The following MEI4 variants were observed in gnomAD, a reference collection of about 807,000 sequenced individuals.
MEI4 encodes meiotic double-stranded break formation protein 4.
MEI4 carries 27 observed loss-of-function variants against 31.4 expected under a neutral mutation model. The ratio of observed to expected loss-of-function variants is 0.86; its 90% confidence interval spans 0.63 to 1.19. The LOEUF is 1.19. Among genes scored for constraint, MEI4 ranks in the 50% most tolerant of loss-of-function variants. The probability of loss-of-function intolerance (pLI) is 0.00; values close to 1 mark genes in which losing one functional copy is unlikely to be tolerated. For missense variants in MEI4, 329 were observed against 398.9 expected (o/e 0.82, Z 1.49); for synonymous variants, 122 against 145.4 (o/e 0.84, Z 1.16).
intron 2 of MEI4, among the ~76,000 whole-genome samples, chr6:77,727,346 G>C (rs1312547671): frequency 6.6e-6 from 1 of 152,206 alleles, no homozygotes; most frequent in Non-Finnish European, 1.5e-5. Flanking sequence ...CAGAAGTGAA[G>C]ATTAAAGGGG....
At chr6:77,882,980 T>C (rs1307049946) in intron 4 of MEI4, among the ~76,000 whole-genome samples, 6 of 152,224 alleles carry the variant, frequency 3.9e-5, no homozygotes, top group Admixed American at 3.9e-4. Flanking sequence ...TGTTAGCTAA[T>C]GATAGTGAAC....
At chr6:77,688,779 C>G (rs1582024706) in intron 1 of MEI4, among the ~76,000 whole-genome samples, 1 of 152,174 alleles carries the variant, frequency 6.6e-6, no homozygotes, top group African/African-American at 2.4e-5. Context: ...TATGTATTAG[C>G]AAACTTACTT....
rs138252073 is a variant in MEI4 at position 77,655,022 on chromosome 6, A to G, written c.-15+1930A>G. On this transcript the variant is annotated intron_variant, in intron 1 of 4. Coordinates refer to ENST00000684080, the MANE Select transcript of MEI4 (RefSeq NM_001322247.2). Reference sequence around the variant, plus strand: ...GGTGGTTTGCTGCACCCATCAACCCATCATCTACATTAGGTATTTCTCCTA... The same window carrying G: ...GGTGGTTTGCTGCACCCATCAACCCGTCATCTACATTAGGTATTTCTCCTA... Among the ~76,000 whole-genome samples the G allele has an allele frequency of 5.7e-3, 871 of 152,192 alleles. 10 individuals are homozygous for G. Among genetic ancestry groups the G allele is most frequent in the African/African-American group, 0.02 (838 of 41,522 alleles).
chr6:77,693,569 G>A (rs1001685255), intron 2 of MEI4, among the ~76,000 whole-genome samples: 3 of 152,030 alleles, frequency 2.0e-5, no homozygotes, highest in Admixed American at 1.3e-4. Flanking sequence ...CACAGCAGGA[G>A]TTGCAGGTAC....
chr6:77,662,863 T>C (rs1581999460), intron 1 of MEI4, among the ~76,000 whole-genome samples: 1 of 152,024 alleles, frequency 6.6e-6, no homozygotes, highest in Non-Finnish European at 1.5e-5. Context: ...CCGAGATAGG[T>C]AACAGATGAG....
intron 2 of MEI4, among the ~76,000 whole-genome samples, chr6:77,697,233 A>ATTT (rs1338913268): frequency 6.6e-6 from 1 of 152,036 alleles, no homozygotes; most frequent in African/African-American, 2.4e-5. Context: ...GGATTCACTA[A>ATTT]TTTTTTGAAG....
Position 77,675,558 on chromosome 6 carries a change from T to A in MEI4, c.-14-15100T>A, listed in dbSNP as rs1337191159. Reference sequence around the variant, plus strand: ...TTTTTTTTTTTTTTTAAAAAAAAGGTTGAGTCAAAATTGGTTGACACCCAG... The same window carrying A: ...TTTTTTTTTTTTTTTAAAAAAAAGGATGAGTCAAAATTGGTTGACACCCAG... On this transcript the variant is annotated intron_variant, in intron 1 of 4. Coordinates refer to ENST00000684080, the MANE Select transcript of MEI4 (RefSeq NM_001322247.2). Among the ~76,000 whole-genome samples the A allele has an allele frequency of 2.6e-5, 4 of 151,508 alleles. No individual in the cohort carries two copies. The East Asian group carries it at 7.8e-4, about 29-fold the overall frequency.
At chr6:77,762,262 T>G (rs989167192) in intron 3 of MEI4, among the ~76,000 whole-genome samples, 5 of 152,220 alleles carry the variant, frequency 3.3e-5, no homozygotes, top group African/African-American at 1.2e-4. Flanking sequence ...TTATGTTTTA[T>G]TTCCTTACTT....
chr6:77,738,806 C>T (rs1017728793), intron 2 of MEI4, among the ~76,000 whole-genome samples: 2 of 152,176 alleles, frequency 1.3e-5, no homozygotes, highest in Non-Finnish European at 2.9e-5. Flanking sequence ...GATGGTAGCT[C>T]ATTGTGGTTT....
At chr6:77,870,502 C>T (rs1244840186) in intron 4 of MEI4, among the ~76,000 whole-genome samples, 1 of 152,166 alleles carries the variant, frequency 6.6e-6, no homozygotes, top group African/African-American at 2.4e-5. Flanking sequence ...TGTCACTTTA[C>T]TTTGTAAAGC....
chr6:77,860,117 T>C (rs1171722602), intron 4 of MEI4, among the ~76,000 whole-genome samples: 1 of 152,224 alleles, frequency 6.6e-6, no homozygotes, highest in Non-Finnish European at 1.5e-5. Context: ...ATGATGGGCA[T>C]TGAGCATTCT....
intron 2 of MEI4, among the ~76,000 whole-genome samples, chr6:77,750,348 G>A (rs7766413): frequency 0.057 from 8,653 of 152,122 alleles, 678 homozygotes; most frequent in African/African-American, 0.17. Context: ...GAGTCAAGAC[G>A]CATTGGTGTG....
intron 1 of MEI4, among the ~76,000 whole-genome samples, chr6:77,689,494 T>C (rs538724060): frequency 6.7e-6 from 1 of 149,970 alleles, no homozygotes; most frequent in Non-Finnish European, 1.5e-5. Flanking sequence ...TATCAGATAG[T>C]TAGTTACACA....
intron 4 of MEI4, among the ~76,000 whole-genome samples, chr6:77,843,022 A>T (rs770304884): frequency 2.6e-5 from 4 of 152,032 alleles, no homozygotes; most frequent in South Asian, 2.1e-4. Context: ...ATTTATATAT[A>T]ATCTATTCCA....
intron 3 of MEI4, among the ~76,000 whole-genome samples, chr6:77,814,392 A>ATT (rs138031823): frequency 6.6e-6 from 1 of 151,954 alleles, no homozygotes; most frequent in Non-Finnish European, 1.5e-5. Flanking sequence ...ATTGTTAACC[A>ATT]TTTTTTGCAG....
chr6:77,788,752 G>A (rs1402904577), intron 3 of MEI4, among the ~76,000 whole-genome samples: 1 of 152,136 alleles, frequency 6.6e-6, no homozygotes, highest in Non-Finnish European at 1.5e-5. Flanking sequence ...TGAAATAAAA[G>A]AGGATACAAA....
chr6:77,745,835 T>G (rs1229100252), intron 2 of MEI4, among the ~76,000 whole-genome samples: 1 of 152,062 alleles, frequency 6.6e-6, no homozygotes, highest in Non-Finnish European at 1.5e-5. Context: ...ACCGCTCAAC[T>G]ACATGGAAAC....
intron 2 of MEI4, among the ~76,000 whole-genome samples, chr6:77,752,800 G>A (rs575124471): frequency 4.9e-4 from 73 of 150,362 alleles, no homozygotes; most frequent in East Asian, 5.8e-4. Context: ...ACATAGCCAA[G>A]ACAATCCTAA....
intron 4 of MEI4, among the ~76,000 whole-genome samples, chr6:77,922,082 T>TAAAGC (rs1766716686): frequency 6.6e-6 from 1 of 151,690 alleles, no homozygotes; most frequent in Non-Finnish European, 1.5e-5. Context: ...TACAATAATG[T>TAAAGC]AAAGCACACT....
Sources: allele counts gnomAD v4.1 joint callset (sites outside exome capture counted in the v4.1 genomes callset), GRCh38; gene constraint gnomAD v4.1.1; transcripts MANE v1.5; gene names NCBI Gene and HGNC (gene_info 2026-07-23, HGNC 2026-07-21).